CPXM2: variants seen among roughly 807,000 people sequenced by gnomAD.
The protein encoded by CPXM2 is carboxypeptidase X, M14 family member 2.
Under a neutral mutation model 86.1 loss-of-function variants are expected in CPXM2, and 66 were observed. That is an observed-to-expected ratio of 0.77 (90% CI 0.63 to 0.94). The LOEUF (loss-of-function observed/expected upper bound fraction) is 0.94, where lower values mean the gene tolerates loss of function less well. CPXM2 is among the 40% of genes least tolerant of loss of function. The pLI is 0.00. For synonymous variants in CPXM2, 388 were observed against 400.2 expected (o/e 0.97, Z 0.36); for missense variants, 948 against 1,026.3 (o/e 0.92, Z 1.04).
intron 6 of CPXM2, among the ~76,000 whole-genome samples, chr10:123,790,633 A>T (rs977371222): frequency 6.6e-6 from 1 of 152,156 alleles, no homozygotes; most frequent in Non-Finnish European, 1.5e-5. Context: ...GGCTGCAGCC[A>T]ACCAGGGCCA....
chr10:123,864,754 T>C (rs1848940676), intron 2 of CPXM2, among the ~76,000 whole-genome samples: 1 of 152,194 alleles, frequency 6.6e-6, no homozygotes, highest in Non-Finnish European at 1.5e-5. Flanking sequence ...ATAATTGCTA[T>C]TCAAAACATT....
intron 4 of CPXM2, among the ~76,000 whole-genome samples, chr10:123,825,406 T>G (rs1188201324): frequency 1.3e-5 from 2 of 152,232 alleles, no homozygotes; most frequent in Non-Finnish European, 2.9e-5. Flanking sequence ...CGTGGAGGAA[T>G]ACGGCACAGA....
intron 4 of CPXM2, among the ~76,000 whole-genome samples, chr10:123,818,376 G>A (rs911965039): frequency 6.6e-6 from 1 of 152,174 alleles, no homozygotes; most frequent in South Asian, 2.1e-4. Context: ...GCCAGCAGCA[G>A]AGACCAACAC....
intron 4 of CPXM2, among the ~76,000 whole-genome samples, chr10:123,816,191 G>A (rs1282379701): frequency 6.6e-6 from 1 of 152,226 alleles, no homozygotes; most frequent in Non-Finnish European, 1.5e-5. Flanking sequence ...CTAATGCCAT[G>A]CAAAATAGAT....
upstream of CPXM2, among the ~76,000 whole-genome samples, chr10:123,942,475 C>T (rs1945786106): frequency 6.6e-6 from 1 of 152,254 alleles, no homozygotes; most frequent in Non-Finnish European, 1.5e-5. Flanking sequence ...GTCATCCTCA[C>T]TGCTCATTAT....
intron 2 of CPXM2, among the ~76,000 whole-genome samples, chr10:123,907,689 C>A (rs1356939502): frequency 1.6e-5 from 2 of 128,910 alleles, no homozygotes; most frequent in Admixed American, 1.5e-4. Flanking sequence ...ATAGATGCCC[C>A]CCCTCCCACA....
intron 4 of CPXM2, among the ~76,000 whole-genome samples, chr10:123,799,816 A>C (rs986643368): frequency 1.2e-4 from 18 of 152,230 alleles, no homozygotes; most frequent in African/African-American, 4.3e-4. Context: ...ACTGCACAGA[A>C]ATTTCTGGGG....
In CPXM2 at chr10:123,803,469, T is replaced by C. The variant is rs570080996; in HGVS notation, c.654-4270A>G. ...TATAATCCAATCTTAGCCATTTTTT[T>C]CTTTATGGCTTTCAGTATTTTTGTT... is the stretch of plus-strand genomic sequence containing the variant. On this transcript the variant is annotated intron_variant, in intron 4 of 13. Coordinates refer to ENST00000241305, the MANE Select transcript of CPXM2 (RefSeq NM_198148.3). Among the ~76,000 whole-genome samples, 7 of 152,196 alleles carry C rather than the reference T, an allele frequency of 4.6e-5. No individual in the cohort carries two copies. In the South Asian group the frequency reaches 1.5e-3, roughly 32 times the overall value.
At chr10:123,838,784 A>T (rs560621271) in intron 4 of CPXM2, among the ~76,000 whole-genome samples, 3 of 152,264 alleles carry the variant, frequency 2.0e-5, no homozygotes, top group East Asian at 3.9e-4. Flanking sequence ...GACCCTGCAG[A>T]ACCTGGGAAG....
At chr10:123,795,581 G>A (rs201432942) in intron 6 of CPXM2, among the ~76,000 whole-genome samples, 7 of 152,054 alleles carry the variant, frequency 4.6e-5, no homozygotes, top group East Asian at 3.9e-4. Context: ...CCCTAGCACC[G>A]GGGTGATAAG....
intron 3 of CPXM2, among the ~76,000 whole-genome samples, chr10:123,859,885 C>T (rs532778707): frequency 6.6e-5 from 10 of 152,286 alleles, no homozygotes; most frequent in Non-Finnish European, 2.9e-5. Context: ...ACAGCCTCGC[C>T]GGCTGCTCCC....
intron 4 of CPXM2, among the ~76,000 whole-genome samples, chr10:123,829,131 G>A (rs1462989719): frequency 2.6e-5 from 4 of 152,090 alleles, no homozygotes; most frequent in South Asian, 2.1e-4. Context: ...ATTCAACATC[G>A]CTAGCTATTA....
intron 3 of CPXM2, among the ~76,000 whole-genome samples, chr10:123,860,102 AG>A (rs1485066606): frequency 2.0e-5 from 3 of 152,232 alleles, no homozygotes; most frequent in African/African-American, 7.2e-5. Context: ...AGGAAGGGGC[AG>A]ATACAACCCA....
chr10:123,811,295 C>A (rs369099514), intron 4 of CPXM2, among the ~76,000 whole-genome samples: 3 of 152,058 alleles, frequency 2.0e-5, no homozygotes, highest in Admixed American at 6.5e-5. Context: ...CTATCCCTCC[C>A]GCCTCCCCTC....
At chr10:123,749,468 T>G (rs1346363348) in intron 13 of CPXM2, among the ~76,000 whole-genome samples, 1 of 152,192 alleles carries the variant, frequency 6.6e-6, no homozygotes, top group Admixed American at 6.5e-5. Context: ...TAGTCCACCC[T>G]CTGTGCTGTC....
chr10:123,779,829 C>A (rs10510136), intron 7 of CPXM2, among the ~76,000 whole-genome samples: 48 of 151,924 alleles, frequency 3.2e-4, no homozygotes, highest in Admixed American at 7.2e-4. Flanking sequence ...CTATGTCATC[C>A]TAGATCCTTT....
chr10:123,897,459 C>G (rs1945347260), intron 2 of CPXM2, among the ~76,000 whole-genome samples: 1 of 152,112 alleles, frequency 6.6e-6, no homozygotes, highest in Non-Finnish European at 1.5e-5. Flanking sequence ...CTGTTTCACT[C>G]CAAAATTTCT....
chr10:123,857,627 CGTGGAG>C (rs1848759715), intron 3 of CPXM2, among the ~76,000 whole-genome samples: 10 of 118,316 alleles, frequency 8.5e-5, no homozygotes, highest in Admixed American at 3.3e-4. Context: ...TGGAAGGCGG[CGTGGAG>C]ATGGAAGGCG....
At chr10:123,932,012 A>T (rs1415777686) in intron 2 of CPXM2, among the ~76,000 whole-genome samples, 1 of 152,160 alleles carries the variant, frequency 6.6e-6, no homozygotes. Context: ...TATAAGTCTG[A>T]GTGGTTTTTT....
Sources: gnomAD v4.1 joint callset for allele counts (sites outside exome capture counted in the v4.1 genomes callset) on GRCh38, gnomAD v4.1.1 for gene constraint, MANE v1.5 for transcripts, NCBI Gene and HGNC (gene_info 2026-07-23, HGNC 2026-07-21) for gene names.